The following SLCO1A2 variants were observed in gnomAD, a reference collection of about 807,000 sequenced individuals.
SLCO1A2 encodes the protein OATP-1.
Under a neutral mutation model 69.0 loss-of-function variants are expected in SLCO1A2, and 67 were observed. That is an observed-to-expected ratio of 0.97 (90% CI 0.80 to 1.19). The LOEUF is 1.19. SLCO1A2 is among the 50% of genes most tolerant of loss of function. The pLI is 0.00. For synonymous variants in SLCO1A2, 260 were observed against 265.9 expected (o/e 0.98, Z 0.22); for missense variants, 787 against 793.7 (o/e 0.99, Z 0.10).
rs763727330 is a variant in SLCO1A2, at chr12:21,294,126, A to G, written c.1272-16T>C. 12 of 1,560,574 alleles carry G rather than the reference A, an allele frequency of 7.7e-6. No homozygotes were observed. Among genetic ancestry groups the G allele is most frequent in the Non-Finnish European group, 1.0e-5 (12 of 1,150,546 alleles). ...TTGTGGAATTCTGAAGTGATTTAAA[A>G]TAATGCCATAGATATTAAAAGAGGA... On this transcript the variant is annotated splice_polypyrimidine_tract_variant and intron_variant, in intron 10 of 14. Transcript: ENST00000683939.
intron 4 of SLCO1A2, 143 bp downstream of exon 4, chr12:21,314,406 C>G (rs1377957379): frequency 1.2e-6 from 1 of 849,572 alleles, no homozygotes; most frequent in Non-Finnish European, 1.8e-6. Flanking sequence ...ACCAAATAGA[C>G]AGATGGAACA....
intron 2 of SLCO1A2, among the ~76,000 whole-genome samples, chr12:21,327,353 A>G (rs937987744): frequency 3.3e-5 from 5 of 152,164 alleles, no homozygotes; most frequent in Admixed American, 3.3e-4. Flanking sequence ...GCCCCCACAC[A>G]GAGTCTCCAC....
At chr12:21,312,140 T>C (rs1950298646) in intron 4 of SLCO1A2, among the ~76,000 whole-genome samples, 1 of 152,194 alleles carries the variant, frequency 6.6e-6, no homozygotes, top group African/African-American at 2.4e-5. Flanking sequence ...ATCTGTTATT[T>C]AGTGTAGCCA....
At chr12:21,282,823 T>A (rs1945053892) in intron 12 of SLCO1A2, among the ~76,000 whole-genome samples, 1 of 151,986 alleles carries the variant, frequency 6.6e-6, no homozygotes, top group East Asian at 1.9e-4. Flanking sequence ...AGTAATTCTA[T>A]TTACAATAGC....
chr12:21,269,746 C>T lies in SLCO1A2; in HGVS notation c.1815G>A (p.Pro605=), dbSNP rs772790612. ...CAAAGCTTGATCCTCTTAGTGCTGC[C>T]GGCAATCCGAGGTAGATGTATCTAT... is the stretch of plus-strand genomic sequence containing the variant. The part of the protein sequence containing the change: ...TTFRYIYLGL[P]AALRGSSFVP... Residue 605 remains proline (P), a synonymous_variant, in exon 15 of 15, where the codon CCG becomes CCA. Coordinates refer to ENST00000683939, the MANE Select transcript of SLCO1A2 (RefSeq NM_001386879.1). 18 of 1,609,746 alleles carry T rather than the reference C, an allele frequency of 1.1e-5. No individual in the cohort carries two copies. Among genetic ancestry groups the T allele is most frequent in the Admixed American group, 1.7e-5 (1 of 59,746 alleles).
intron 2 of SLCO1A2, among the ~76,000 whole-genome samples, chr12:21,365,136 A>G (rs1939268989): frequency 6.6e-6 from 1 of 152,212 alleles, no homozygotes; most frequent in South Asian, 2.1e-4. Flanking sequence ...ACACTACCTG[A>G]CTTCAAACTA....
intron 3 of SLCO1A2, among the ~76,000 whole-genome samples, chr12:21,318,032 G>C (rs988020389): frequency 9.2e-5 from 14 of 151,590 alleles, no homozygotes; most frequent in African/African-American, 3.4e-4. Flanking sequence ...CAACCTCCCA[G>C]ACCAAATAGC....
rs1185367234 is a variant in SLCO1A2 at position 21,292,171 on chromosome 12, G to T, written c.1603C>A (p.Leu535Ile). The change falls in exon 12 of 15, where the codon CTC (leucine) becomes ATC (isoleucine). Residue 535 changes from leucine to isoleucine, a missense_variant. Physicochemically the swap from Leu to Ile is conservative, Grantham distance 5. Transcript: ENST00000683939. ...AAGAAAATAATTTTGTACCTCAAGA[G>T]AACCATATATCCAGGTATGGCAGCC... ...SLAAIPGYMV[L>I]LRCMKSEEKS... The T allele has an allele frequency of 2.1e-5, 34 of 1,585,138 alleles. No individual in the cohort carries two copies. Among genetic ancestry groups the T allele is most frequent in the Non-Finnish European group, 2.6e-5 (30 of 1,167,280 alleles).
chr12:21,390,931 T>G (rs1941121500), intron 1 of SLCO1A2, among the ~76,000 whole-genome samples: 1 of 152,200 alleles, frequency 6.6e-6, no homozygotes, highest in South Asian at 2.1e-4. Flanking sequence ...GTCTTGTCTT[T>G]GTTCTGCCTC....
intron 9 of SLCO1A2, among the ~76,000 whole-genome samples, chr12:21,296,889 A>C (rs905985839): frequency 2.0e-5 from 3 of 152,212 alleles, no homozygotes; most frequent in African/African-American, 7.2e-5. Context: ...AACAGTGGAA[A>C]GATCCCAGGA....
chr12:21,304,370 C>A, intron 6 of SLCO1A2, 57 bp downstream of exon 6: 2 of 1,370,316 alleles, frequency 1.5e-6, no homozygotes, highest in Non-Finnish European at 1.0e-6. Flanking sequence ...TAACTAATTT[C>A]TAACCTCAAG....
intron 1 of SLCO1A2, among the ~76,000 whole-genome samples, chr12:21,387,285 G>A (rs534002044): frequency 1.3e-5 from 2 of 152,284 alleles, no homozygotes; most frequent in East Asian, 3.9e-4. Context: ...GAAGCCAAAT[G>A]CTAATCACCA....
At chr12:21,292,050 A>G in intron 12 of SLCO1A2, 114 bp downstream of exon 12, 2 of 631,868 alleles carry the variant, frequency 3.2e-6, no homozygotes, top group South Asian at 7.3e-5. Context: ...CCCTTAATAA[A>G]TGGTACGTTA....
intron 9 of SLCO1A2, among the ~76,000 whole-genome samples, 161 bp from the exon 10 acceptor site, chr12:21,295,953 C>G (rs61927762): frequency 3.3e-5 from 5 of 152,174 alleles, no homozygotes; most frequent in Admixed American, 6.5e-5. Flanking sequence ...ACATTACCCA[C>G]AGGGAGATTT....
intron 2 of SLCO1A2, among the ~76,000 whole-genome samples, chr12:21,363,105 A>G (rs577934689): frequency 7.9e-5 from 12 of 152,166 alleles, no homozygotes; most frequent in Non-Finnish European, 1.8e-4. Flanking sequence ...CTTCTCAGCA[A>G]CACATCACAC....
intron 1 of SLCO1A2, among the ~76,000 whole-genome samples, chr12:21,413,227 TTTTC>T (rs1941936873): frequency 1.7e-5 from 2 of 116,646 alleles, no homozygotes; most frequent in Non-Finnish European, 3.6e-5. Flanking sequence ...CTTCTTTTCT[TTTTC>T]TTTTTCTTTT....
At chr12:21,407,466 T>C (rs968740432) in intron 1 of SLCO1A2, among the ~76,000 whole-genome samples, 1 of 151,910 alleles carries the variant, frequency 6.6e-6, no homozygotes, top group Non-Finnish European at 1.5e-5. Flanking sequence ...CATAGGAGGG[T>C]GTGAAGCAGA....
At chr12:21,312,903 G>T (rs908985992) in intron 4 of SLCO1A2, among the ~76,000 whole-genome samples, 3 of 151,888 alleles carry the variant, frequency 2.0e-5, no homozygotes, top group Admixed American at 6.6e-5. Context: ...GTGAAATCCT[G>T]TCTCTACCAA....
intron 11 of SLCO1A2, among the ~76,000 whole-genome samples, chr12:21,293,043 G>A (rs1342706728): frequency 2.0e-5 from 3 of 152,154 alleles, no homozygotes; most frequent in East Asian, 1.9e-4. Context: ...AGTGGCTTAC[G>A]CCTGTAATCC....
Sources: allele counts gnomAD v4.1 joint callset (sites outside exome capture counted in the v4.1 genomes callset), GRCh38; gene constraint gnomAD v4.1.1; transcripts MANE v1.5; gene names NCBI Gene and HGNC (gene_info 2026-07-23, HGNC 2026-07-21).